The following PPP2R5E variants were observed in gnomAD, a reference collection of about 807,000 sequenced individuals.
PPP2R5E encodes protein phosphatase 2 regulatory subunit B'epsilon, also known as serine/threonine-protein phosphatase 2A 56 kDa regulatory subunit epsilon isoform.
Under a neutral mutation model 65.3 loss-of-function variants are expected in PPP2R5E, and 4 were observed. The observed-to-expected ratio is 0.06, with a 90% CI of 0.03 to 0.14. The LOEUF is 0.14. Among genes scored for constraint, PPP2R5E ranks in the 10% least tolerant of loss-of-function variants. The probability of loss-of-function intolerance (pLI) is 1.00; values close to 1 mark genes in which losing one functional copy is unlikely to be tolerated. For missense variants in PPP2R5E, 274 were observed against 556.1 expected, an observed-to-expected ratio of 0.49 and a Z score of 5.10; for synonymous variants, 183 against 187.4, an observed-to-expected ratio of 0.98 and a Z score of 0.19.
chr14:63,523,230 G>A (rs919708274), intron 2 of PPP2R5E, among the ~76,000 whole-genome samples: 16 of 152,086 alleles, frequency 1.1e-4, no homozygotes, highest in African/African-American at 3.4e-4. Flanking sequence ...CATTGAGAAC[G>A]GGCCATGATG....
At chr14:63,465,450 C>CAA (rs1171345415) in intron 2 of PPP2R5E, among the ~76,000 whole-genome samples, 679 of 47,106 alleles carry the variant, frequency 0.014, 11 homozygotes, top group African/African-American at 0.02. Flanking sequence ...TCCACCTCTA[C>CAA]AAAAAAAAAA....
At chr14:63,435,104 A>C (rs1006021124) in intron 3 of PPP2R5E, among the ~76,000 whole-genome samples, 12 of 152,192 alleles carry the variant, frequency 7.9e-5, no homozygotes, top group African/African-American at 2.9e-4. Context: ...AAAGAGCAAA[A>C]GGGGAATTTT....
rs559283529 is a variant in PPP2R5E at position 63,447,688 on chromosome 14, T to C, written c.354+6001A>G. ...ACCTTTAAATTCACAACTTGTCTAA[T>C]TGTCTGATGCAAGAGGCCTAGCTTT... On this transcript the variant is annotated intron_variant, in intron 3 of 13. Coordinates refer to ENST00000337537, the MANE Select transcript of PPP2R5E (RefSeq NM_006246.5). 7.9e-5 allele frequency among the ~76,000 whole-genome samples: 12 copies of C among 152,380 alleles called. No individual in the cohort carries two copies. The South Asian group carries it at 1.0e-3, about 13-fold the overall frequency.
chr14:63,452,767 T>C (rs972364500), intron 3 of PPP2R5E: 4 of 152,196 alleles, frequency 2.6e-5, no homozygotes, highest in Admixed American at 1.3e-4. Context: ...ATCTACTCCA[T>C]CACAAAAGTC....
intron 2 of PPP2R5E, among the ~76,000 whole-genome samples, chr14:63,464,356 T>C (rs1462352388): frequency 1.3e-5 from 2 of 152,116 alleles, no homozygotes; most frequent in Admixed American, 1.3e-4. Flanking sequence ...AACAGAGCAT[T>C]CACCTGGAAG....
chr14:63,532,713 G>T (rs1024696081), intron 2 of PPP2R5E, among the ~76,000 whole-genome samples: 1 of 152,152 alleles, frequency 6.6e-6, no homozygotes, highest in African/African-American at 2.4e-5. Flanking sequence ...AGCAGTTAAC[G>T]CATTTGTCCA....
In PPP2R5E at chr14:63,376,131, T is replaced by C. The variant is rs371915219; in HGVS notation, c.1305-23A>G. ...TCACTGAGGAAGAAACAGAATACAA[T>C]GTAAACAGCTGAGGTTTAATGAGAT... On this transcript the variant is annotated intron_variant, in intron 13 of 13. Transcript: ENST00000337537. The C allele has an allele frequency of 2.0e-4, 302 of 1,477,414 alleles. 4 individuals are homozygous for C. The East Asian group carries it at 2.8e-3, about 14-fold the overall frequency. The allele number at this position is 1,477,414 out of a possible 1,614,324, so 91.5% of individuals were successfully genotyped here.
chr14:63,379,860 A>T (rs1439375615), intron 13 of PPP2R5E, among the ~76,000 whole-genome samples: 1 of 110,616 alleles, frequency 9.0e-6, no homozygotes, highest in African/African-American at 4.0e-5. Context: ...TTTGAGACAG[A>T]GTCTCACTCC....
chr14:63,418,099 C>T (rs1043215344), intron 4 of PPP2R5E, among the ~76,000 whole-genome samples: 10 of 152,274 alleles, frequency 6.6e-5, no homozygotes, highest in African/African-American at 2.4e-4. Flanking sequence ...ATGATCCGGA[C>T]GTTGCCAAAT....
At chr14:63,531,988 GAAGA>G (rs1893458234) in intron 2 of PPP2R5E, among the ~76,000 whole-genome samples, 1 of 152,026 alleles carries the variant, frequency 6.6e-6, no homozygotes, top group Non-Finnish European at 1.5e-5. Context: ...TTAGATGCCT[GAAGA>G]ACACACATCA....
At chr14:63,523,740 C>T (rs543367943) in intron 2 of PPP2R5E, among the ~76,000 whole-genome samples, 17 of 141,806 alleles carry the variant, frequency 1.2e-4, no homozygotes, top group African/African-American at 3.2e-4. Context: ...AAAGGTTACA[C>T]GCTAAAAAAA....
At chr14:63,462,047 G>A (rs1212861844) in intron 2 of PPP2R5E, among the ~76,000 whole-genome samples, 2 of 150,916 alleles carry the variant, frequency 1.3e-5, no homozygotes, top group Admixed American at 6.6e-5. Flanking sequence ...AATTCTAGCT[G>A]TAATGACAGT....
chr14:63,497,662 C>T (rs1964031), intron 2 of PPP2R5E, among the ~76,000 whole-genome samples: 6,691 of 151,956 alleles, frequency 0.044, 166 homozygotes, highest in African/African-American at 0.052. Flanking sequence ...GCAGGAGAAT[C>T]GCTTGAAACT....
intron 5 of PPP2R5E, among the ~76,000 whole-genome samples, chr14:63,402,246 T>C (rs575312469): frequency 2.0e-5 from 3 of 152,342 alleles, no homozygotes; most frequent in East Asian, 3.9e-4. Context: ...CCTACAGATA[T>C]GCTAACAGCT....
intron 2 of PPP2R5E, among the ~76,000 whole-genome samples, chr14:63,474,324 G>C (rs960167997): frequency 1.3e-5 from 2 of 152,106 alleles, no homozygotes; most frequent in South Asian, 4.1e-4. Context: ...GGTGGGAGCC[G>C]GGTTGTCTGG....
chr14:63,518,943 G>A (rs1485339982), intron 2 of PPP2R5E, among the ~76,000 whole-genome samples: 3 of 152,200 alleles, frequency 2.0e-5, no homozygotes, highest in Non-Finnish European at 4.4e-5. Flanking sequence ...AAGAGGCCGG[G>A]CGCAGTGGCT....
intron 2 of PPP2R5E, among the ~76,000 whole-genome samples, chr14:63,463,944 G>C (rs778038443): frequency 2.6e-4 from 39 of 152,046 alleles, no homozygotes; most frequent in Non-Finnish European, 3.7e-4. Context: ...AAGGATAAGA[G>C]AAAAATAGGG....
intron 5 of PPP2R5E, among the ~76,000 whole-genome samples, chr14:63,400,688 C>T (rs563511182): frequency 1.6e-4 from 1 of 6,234 alleles, no homozygotes; most frequent in South Asian, 0.015. Flanking sequence ...AGGCATGTGG[C>T]CCCAACCAGC....
At chr14:63,424,522 C>T (rs1209935848) in intron 3 of PPP2R5E, among the ~76,000 whole-genome samples, 1 of 152,044 alleles carries the variant, frequency 6.6e-6, no homozygotes, top group Non-Finnish European at 1.5e-5. Context: ...GAGGCCGAGG[C>T]GGGCGGATCA....
Sources: gnomAD v4.1 joint callset for allele counts (sites outside exome capture counted in the v4.1 genomes callset) on GRCh38, gnomAD v4.1.1 for gene constraint, MANE v1.5 for transcripts, NCBI Gene and HGNC (gene_info 2026-07-23, HGNC 2026-07-21) for gene names.